The following EPM2A variants were observed in gnomAD, a reference collection of about 807,000 sequenced individuals.
EPM2A encodes the protein laforin.
A neutral mutation model predicts 26.5 loss-of-function variants in EPM2A; 21 were observed. The observed-to-expected ratio is 0.79, with a 90% CI of 0.56 to 1.14. EPM2A has a LOEUF of 1.14. Ranked by LOEUF, EPM2A falls within the 50% of genes most tolerant of loss-of-function variation. The pLI is 0.00. For missense variants in EPM2A, 458 were observed against 440.8 expected (o/e 1.04, Z -0.35); for synonymous variants, 217 against 177.6 (o/e 1.22, Z -1.76).
downstream of EPM2A, chr6:145,625,196 TAAAC>T (rs1775724937): frequency 1.3e-5 from 2 of 152,956 alleles, no homozygotes; most frequent in African/African-American, 4.8e-5. Flanking sequence ...ACAAGAAAAA[TAAAC>T]AATTTAGCTC....
chr6:145,692,259 A>C (rs191854694), intron 1 of EPM2A, among the ~76,000 whole-genome samples: 4 of 152,164 alleles, frequency 2.6e-5, no homozygotes, highest in African/African-American at 9.6e-5. Flanking sequence ...TTAAAACTCC[A>C]GAATTATAGT....
intron 2 of EPM2A, among the ~76,000 whole-genome samples, chr6:145,607,698 C>T (rs557967692): frequency 1.6e-4 from 24 of 152,226 alleles, no homozygotes; most frequent in Middle Eastern, 6.8e-3. Flanking sequence ...GTAAAAATAA[C>T]ACTAGCCTGT....
At chr6:145,671,478 A>G in intron 2 of EPM2A, 1 of 690,584 alleles carries the variant, frequency 1.4e-6, no homozygotes, top group Non-Finnish European at 1.8e-6. Context: ...TATAAGCCTT[A>G]GCTTTTGAAA....
chr6:145,560,874 T>C (rs1780794855), intron 2 of EPM2A, among the ~76,000 whole-genome samples: 1 of 152,092 alleles, frequency 6.6e-6, no homozygotes, highest in African/African-American at 2.4e-5. Context: ...TATTTAATTA[T>C]TTTAATAACC....
chr6:145,608,983 G>A (rs894418111), intron 2 of EPM2A, among the ~76,000 whole-genome samples: 3 of 152,202 alleles, frequency 2.0e-5, no homozygotes, highest in African/African-American at 4.8e-5. Flanking sequence ...ATAGTCACAA[G>A]AATGCTTGTC....
intron 3 of EPM2A, among the ~76,000 whole-genome samples, chr6:145,633,176 C>T (rs779619557): frequency 7.2e-5 from 11 of 152,120 alleles, no homozygotes; most frequent in African/African-American, 2.2e-4. Flanking sequence ...GATGGGATGG[C>T]GGGGGATGCG....
chr6:145,474,204 G>A (rs530928817), intron 4 of EPM2A, among the ~76,000 whole-genome samples: 3 of 152,268 alleles, frequency 2.0e-5, no homozygotes, highest in African/African-American at 4.8e-5. Context: ...GCTCATGCCT[G>A]TAATCCCAGC....
At chr6:145,420,811 G>A (rs1040177824) in intron 4 of EPM2A, among the ~76,000 whole-genome samples, 3 of 152,074 alleles carry the variant, frequency 2.0e-5, no homozygotes, top group African/African-American at 7.2e-5. Context: ...CATGGCAGAA[G>A]GTGAAAGGGT....
intron 4 of EPM2A, among the ~76,000 whole-genome samples, chr6:145,455,882 A>G (rs1469751200): frequency 6.6e-6 from 1 of 152,226 alleles, no homozygotes; most frequent in Non-Finnish European, 1.5e-5. Flanking sequence ...TATAAATTCT[A>G]TGAATGATTC....
intron 1 of EPM2A, among the ~76,000 whole-genome samples, chr6:145,701,256 G>T (rs1040332737): frequency 2.0e-5 from 3 of 152,182 alleles, no homozygotes; most frequent in East Asian, 3.9e-4. Context: ...GGTTAACAGT[G>T]ACCTAAACAA....
At chr6:145,665,002 G>A (rs371742703) in intron 2 of EPM2A, among the ~76,000 whole-genome samples, 27 of 110,730 alleles carry the variant, frequency 2.4e-4, no homozygotes, top group African/African-American at 7.2e-4. Context: ...TCTCTGGGAC[G>A]CATTCAAAGC....
intron 1 of EPM2A, among the ~76,000 whole-genome samples, chr6:145,703,494 A>C (rs1782048225): frequency 6.6e-6 from 1 of 152,220 alleles, no homozygotes; most frequent in South Asian, 2.1e-4. Flanking sequence ...CCATTTAAAA[A>C]TATTTATTCT....
chr6:145,634,264 C>T lies in EPM2A; in HGVS notation c.718+981G>A, dbSNP rs372598554. 1.6e-4 allele frequency among the ~76,000 whole-genome samples: 24 copies of T among 152,254 alleles called. 1 individual carries two copies. Among genetic ancestry groups the T allele is most frequent in the African/African-American group, 5.8e-4 (24 of 41,536 alleles). ...GACTGTAGTTATCTCTACTCCTCTT[C>T]GACAAGTACCCTATTCTACAACCAG... On this transcript the variant is annotated intron_variant, in intron 3 of 3. Coordinates refer to ENST00000367519, the MANE Select transcript of EPM2A (RefSeq NM_005670.4).
intron 2 of EPM2A, chr6:145,638,731 G>T (rs1776871937): frequency 6.7e-6 from 1 of 149,936 alleles, no homozygotes; most frequent in African/African-American, 2.5e-5. Flanking sequence ...TGTATGGGAT[G>T]CAGAGACAAA....
At chr6:145,588,695 C>T (rs543913972) in intron 2 of EPM2A, among the ~76,000 whole-genome samples, 1 of 152,172 alleles carries the variant, frequency 6.6e-6, no homozygotes, top group South Asian at 2.1e-4. Context: ...TACTACATGC[C>T]AAGAACAGTG....
At chr6:145,462,541 T>G (rs1779339218) in intron 4 of EPM2A, among the ~76,000 whole-genome samples, 1 of 152,196 alleles carries the variant, frequency 6.6e-6, no homozygotes, top group Admixed American at 6.6e-5. Context: ...CTTGAGCAAC[T>G]AATTAAAAGC....
intron 2 of EPM2A, among the ~76,000 whole-genome samples, chr6:145,589,850 C>A (rs1781246723): frequency 1.3e-5 from 2 of 149,052 alleles, no homozygotes; most frequent in South Asian, 2.2e-4. Context: ...AGCAGGGTAC[C>A]CTTTGGGGAG....
chr6:145,670,783 GA>G (rs1779583278), intron 2 of EPM2A: 1 of 333,402 alleles, frequency 3.0e-6, no homozygotes, highest in Non-Finnish European at 4.3e-6. Context: ...AATATATTTC[GA>G]AAACATAAGA....
chr6:145,693,801 T>C (rs190416017), intron 1 of EPM2A, among the ~76,000 whole-genome samples: 9 of 152,030 alleles, frequency 5.9e-5, no homozygotes, highest in Admixed American at 3.3e-4. Flanking sequence ...TTGGTTTAAT[T>C]AACAAAAACA....
Sources: allele counts gnomAD v4.1 joint callset (sites outside exome capture counted in the v4.1 genomes callset), GRCh38; gene constraint gnomAD v4.1.1; transcripts MANE v1.5; gene names NCBI Gene and HGNC (gene_info 2026-07-23, HGNC 2026-07-21).